Variants in RARS1 observed in about 807,000 individuals in gnomAD.
The protein encoded by RARS1 is arginyl-tRNA synthetase 1, also known as arginine--tRNA ligase, cytoplasmic.
RARS1 carries 75 observed loss-of-function variants against 78.7 expected under a neutral mutation model. That is an observed-to-expected ratio of 0.95 (90% CI 0.79 to 1.15). RARS1 has a LOEUF of 1.15. Among genes scored for constraint, RARS1 ranks in the 50% most tolerant of loss-of-function variants. The pLI is 0.00. For missense variants in RARS1, 787 were observed against 787.5 expected, an observed-to-expected ratio of 1.00 and a Z score of 0.01; for synonymous variants, 273 against 268.2, an observed-to-expected ratio of 1.02 and a Z score of -0.18.
intron 10 of RARS1, among the ~76,000 whole-genome samples, 156 bp downstream of exon 10, chr5:168,506,355 A>T (rs1281426945): frequency 1.3e-5 from 2 of 152,166 alleles, no homozygotes; most frequent in Non-Finnish European, 2.9e-5. Flanking sequence ...GAGGGTTTGG[A>T]CCCAGCCAAA....
intron 1 of RARS1, 146 bp from the exon 2 acceptor site, chr5:168,488,456 A>T: frequency 1.1e-6 from 1 of 910,876 alleles, no homozygotes; most frequent in Non-Finnish European, 1.7e-6. Context: ...ATAATATGCT[A>T]ACGTCAGCAA....
chr5:168,488,403 C>T, intron 1 of RARS1, 199 bp from the exon 2 acceptor site: 1 of 546,284 alleles, frequency 1.8e-6, no homozygotes. Context: ...GCTGGGATTA[C>T]AGGCGTGAGC....
In RARS1 at chr5:168,516,862, T is replaced by A; in HGVS notation, c.1537T>A (p.Leu513Met). Residue 513 changes from leucine to methionine, a missense_variant, in exon 13 of 15, where the codon TTG (leucine) becomes ATG (methionine). Coordinates refer to ENST00000231572, the MANE Select transcript of RARS1 (RefSeq NM_002887.4). ...ATATGCTGACCTTTCCCATAACCGGTTGAATGACTACATCTTCTCCTTTGA... is the reference window on the plus strand; with the variant it reads ...ATATGCTGACCTTTCCCATAACCGGATGAATGACTACATCTTCTCCTTTGA... ...IKYADLSHNR[L>M]NDYIFSFDKM... 1 of 1,614,120 alleles carries A rather than the reference T, an allele frequency of 6.2e-7. No individual in the cohort carries two copies. The highest frequency in any genetic ancestry group is 8.5e-7 in the Non-Finnish European group (1 of 1,179,984).
rs1758710166 is a variant in RARS1 at position 168,518,071 on chromosome 5, C to CTTGTGTTTTTTTTTTTTTTTTTTTTTTTT, written c.1873+11_1873+12insGTGTTTTTTTTTTTTTTTTTTTTTTTTTT. The CTTGTGTTTTTTTTTTTTTTTTTTTTTTTT allele has an allele frequency of 1.6e-6, 1 of 632,602 alleles. No homozygotes were observed. Among genetic ancestry groups the CTTGTGTTTTTTTTTTTTTTTTTTTTTTTT allele is most frequent in the Non-Finnish European group, 1.9e-6 (1 of 525,704 alleles). The allele number at this position is 632,602 out of a possible 1,614,324, so 39.2% of individuals were successfully genotyped here. ...GAAAGATAGACAGACTGGTGAGTGTCTTTTTTTTTTTTTTTTTTTTTTTTA... is the reference window on the plus strand; with the variant it reads ...GAAAGATAGACAGACTGGTGAGTGTCTTGTGTTTTTTTTTTTTTTTTTTTTTTTTTTTTTTTTTTTTTTTTTTTTTTTTA... On this transcript the variant is annotated intron_variant, in intron 14 of 14. Transcript: ENST00000231572.
At chr5:168,491,969 T>TG (rs1758096558) in intron 2 of RARS1, among the ~76,000 whole-genome samples, 1 of 108,048 alleles carries the variant, frequency 9.3e-6, no homozygotes, top group South Asian at 2.8e-4. Flanking sequence ...TTTTTTTTTT[T>TG]GCTAAACTGC....
intron 2 of RARS1, among the ~76,000 whole-genome samples, chr5:168,489,976 G>A (rs1758048760): frequency 1.3e-5 from 2 of 152,040 alleles, no homozygotes; most frequent in African/African-American, 4.8e-5. Flanking sequence ...CACCACACCT[G>A]GTTAATTTTG....
chr5:168,494,040 A>C (rs747583616), intron 4 of RARS1, 38 bp downstream of exon 4: 1 of 1,528,318 alleles, frequency 6.5e-7, no homozygotes, highest in African/African-American at 1.4e-5. Context: ...AGTTGTATTG[A>C]ACATGAGTCC....
chr5:168,502,384 A>ATATTTT (rs1280220276), intron 9 of RARS1, among the ~76,000 whole-genome samples: 1 of 127,246 alleles, frequency 7.9e-6, no homozygotes, highest in African/African-American at 3.2e-5. Flanking sequence ...ATATATATAT[A>ATATTTT]TTTTTTTTTT....
At position 168,516,775 on chromosome 5, in the gene RARS1, A is replaced by G. The variant is rs1758673656; in HGVS notation, c.1453-3A>G. The G allele has an allele frequency of 2.5e-6, 4 of 1,613,830 alleles. No individual in the cohort carries two copies. The East Asian group carries it at 6.7e-5, about 27-fold the overall frequency. ...ATGAAATACTGTTTTGTTTTTCCCA[A>G]AGGTCTTAACTGCAGAGGAATTGAA... On this transcript the variant is annotated splice_region_variant and splice_polypyrimidine_tract_variant and intron_variant, in intron 12 of 14. Coordinates refer to ENST00000231572, the MANE Select transcript of RARS1 (RefSeq NM_002887.4).
At chr5:168,504,996 AAAAT>A (rs1214686614) in intron 9 of RARS1, among the ~76,000 whole-genome samples, 2 of 152,046 alleles carry the variant, frequency 1.3e-5, no homozygotes, top group Non-Finnish European at 1.5e-5. Context: ...CTGTCTGAAA[AAAAT>A]AAATAAATGC....
intron 2 of RARS1, among the ~76,000 whole-genome samples, chr5:168,490,418 T>G (rs1454330335): frequency 6.6e-6 from 1 of 152,200 alleles, no homozygotes; most frequent in Non-Finnish European, 1.5e-5. Context: ...TCCTCCCACC[T>G]CAGCCTCCCA....
chr5:168,495,164 C>T (rs576341189), intron 5 of RARS1, 151 bp from the exon 6 acceptor site: 31 of 1,302,336 alleles, frequency 2.4e-5, no homozygotes, highest in Non-Finnish European at 2.6e-5. Context: ...GGTTGAATTA[C>T]GGCCCAAATT....
rs672601372 is a variant in RARS1, at chr5:168,486,503, A to T, written c.5A>T (p.Asp2Val). Residue 2 changes from aspartate to valine, a missense_variant, in exon 1 of 15, where the codon GAC (aspartate) becomes GTC (valine). Physicochemically the swap from Asp to Val is radical, Grantham distance 152. Transcript: ENST00000231572. ...GAGTGAGACGCTGATGGGAGGATGGACGTACTGGTGTCTGAGTGCTCCGCG... is the reference window on the plus strand; with the variant it reads ...GAGTGAGACGCTGATGGGAGGATGGTCGTACTGGTGTCTGAGTGCTCCGCG... M[D>V]VLVSECSARL... The T allele has an allele frequency of 2.6e-6, 4 of 1,558,782 alleles. No individual in the cohort carries two copies. Among genetic ancestry groups the T allele is most frequent in the African/African-American group, 1.4e-5 (1 of 73,934 alleles).
At chr5:168,491,525 G>A (rs374240864) in intron 2 of RARS1, among the ~76,000 whole-genome samples, 2 of 152,154 alleles carry the variant, frequency 1.3e-5, no homozygotes, top group African/African-American at 4.8e-5. Flanking sequence ...GTTTTTTAGT[G>A]AATTTAAGAA....
At chr5:168,486,637 AG>A in intron 1 of RARS1, 94 bp downstream of exon 1, 1 of 1,351,272 alleles carries the variant, frequency 7.4e-7, no homozygotes, top group Non-Finnish European at 1.0e-6. Context: ...CAGCTAGGCG[AG>A]GACCATCCTG....
At chr5:168,487,304 T>G (rs1292783097) in intron 1 of RARS1, among the ~76,000 whole-genome samples, 1 of 151,854 alleles carries the variant, frequency 6.6e-6, no homozygotes, top group East Asian at 1.9e-4. Context: ...AGGCGGAGCT[T>G]GCAGTGAGCA....
chr5:168,509,812 A>T (rs1027451419), intron 11 of RARS1, among the ~76,000 whole-genome samples: 4 of 152,034 alleles, frequency 2.6e-5, no homozygotes, highest in African/African-American at 9.7e-5. Flanking sequence ...TCTCTATAAA[A>T]ATTAAAAAAT....
rs1377491393 is a variant in RARS1 at position 168,494,504 on chromosome 5, T to C, written c.479-46T>C. ...GCAAATCCTTAGGAGCGAGTGATTA[T>C]TCAAGATAAGACAGTATCTGATATT... is the stretch of plus-strand genomic sequence containing the variant. On this transcript the variant is annotated intron_variant, in intron 4 of 14. Coordinates refer to ENST00000231572, the MANE Select transcript of RARS1 (RefSeq NM_002887.4). 9 of 1,601,588 alleles carry C rather than the reference T, an allele frequency of 5.6e-6. No individual in the cohort carries two copies. The African/African-American group carries it at 1.2e-4, about 22-fold the overall frequency.
chr5:168,506,153 T>A lies in RARS1; in HGVS notation c.1190T>A (p.Phe397Tyr), dbSNP rs2305734. The A allele has an allele frequency of 0.16, 260,076 of 1,579,038 alleles. 23,808 individuals are homozygous for A. The highest frequency in any genetic ancestry group is 0.19 in the Non-Finnish European group (217,645 of 1,161,302). ...SDLAAIKQRL[F>Y]EEKADMIIYV... ...CTGGCTGCTATTAAACAAAGACTAT[T>A]TGAGGAAAAAGCAGATATGATTATC... Residue 397 changes from phenylalanine (F) to tyrosine (Y), a missense_variant, in exon 10 of 15, where the codon TTT becomes TAT. Physicochemically the swap from Phe to Tyr is conservative, Grantham distance 22 (BLOSUM62 3). Coordinates refer to ENST00000231572, the MANE Select transcript of RARS1 (RefSeq NM_002887.4).
Sources: allele counts gnomAD v4.1 joint callset (sites outside exome capture counted in the v4.1 genomes callset), GRCh38; gene constraint gnomAD v4.1.1; transcripts MANE v1.5; gene names NCBI Gene and HGNC (gene_info 2026-07-23, HGNC 2026-07-21).